The following SDK1 variants were observed in gnomAD, a reference collection of about 807,000 sequenced individuals.
SDK1 encodes sidekick cell adhesion molecule 1, also known as protein sidekick-1.
A neutral mutation model predicts 245.5 loss-of-function variants in SDK1; 157 were observed. The observed-to-expected ratio is 0.64, with a 90% CI of 0.56 to 0.73. The LOEUF (loss-of-function observed/expected upper bound fraction) is 0.73, where lower values mean the gene tolerates loss of function less well. Among genes scored for constraint, SDK1 ranks in the 30% least tolerant of loss-of-function variants. SDK1 has a pLI of 0.00. For missense variants in SDK1, 3,583 were observed against 3,002.3 expected (o/e 1.19, Z -4.52); for synonymous variants, 1,647 against 1,278.5 (o/e 1.29, Z -6.15).
intron 44 of SDK1, among the ~76,000 whole-genome samples, chr7:4,256,345 T>C (rs1032465248): frequency 5.3e-5 from 8 of 152,240 alleles, no homozygotes; most frequent in African/African-American, 1.9e-4. Context: ...TCATGGCTAG[T>C]AACTCTGATA....
chr7:4,151,094 A>C (rs1193854554), intron 30 of SDK1, among the ~76,000 whole-genome samples: 1 of 152,174 alleles, frequency 6.6e-6, no homozygotes, highest in Non-Finnish European at 1.5e-5. Context: ...CACCCCACAC[A>C]GTGTCCCCAG....
At chr7:3,900,182 A>C (rs1162020929) in intron 5 of SDK1, among the ~76,000 whole-genome samples, 1 of 152,190 alleles carries the variant, frequency 6.6e-6, no homozygotes, top group Non-Finnish European at 1.5e-5. Context: ...TTTATATTTT[A>C]TTACATATTT....
At chr7:3,311,963 G>T (rs1779560865) in intron 1 of SDK1, among the ~76,000 whole-genome samples, 1 of 152,184 alleles carries the variant, frequency 6.6e-6, no homozygotes, top group Non-Finnish European at 1.5e-5. Context: ...GGTCTGCATA[G>T]ACTTGGAAGG....
chr7:4,229,240 C>G lies in SDK1; in HGVS notation c.5828-4015C>G, dbSNP rs181767458. ...TACCAGCTGCCAAATTTTTTTCTTA[C>G]CCACTCGTGATCGTGGTGTAAATAT... On this transcript the variant is annotated intron_variant, in intron 40 of 44. Transcript: ENST00000404826. Among the ~76,000 whole-genome samples the G allele has an allele frequency of 1.2e-3, 185 of 152,208 alleles. 1 individual carries two copies. The highest frequency in any genetic ancestry group is 4.2e-3 in the African/African-American group (173 of 41,528).
chr7:4,247,682 G>C (rs1325362740), intron 44 of SDK1, among the ~76,000 whole-genome samples: 1 of 152,204 alleles, frequency 6.6e-6, no homozygotes, highest in Non-Finnish European at 1.5e-5. Flanking sequence ...CCTGTGTGCT[G>C]AGCGCTCGCT....
intron 17 of SDK1, among the ~76,000 whole-genome samples, chr7:4,042,260 C>G (rs537474093): frequency 7.3e-6 from 1 of 136,234 alleles, no homozygotes; most frequent in Admixed American, 6.9e-5. Context: ...CCATCCACTC[C>G]CAGAAATCCT....
chr7:4,051,782 G>A lies in SDK1; in HGVS notation c.2863G>A (p.Gly955Arg). 1.2e-6 allele frequency: 2 copies of A among 1,613,796 alleles called. No individual in the cohort carries two copies. Among genetic ancestry groups the A allele is most frequent in the Non-Finnish European group, 1.7e-6 (2 of 1,179,864 alleles). ...TTCCGTTCTGTGCTTCACCACCCCT[G>A]GGGACGGGCCTCCCAGCACACCTCA... ...FTSVLCFTTP[G>R]DGPPSTPQLV... The change falls in exon 19 of 45, where the codon GGG becomes AGG. Residue 955 changes from glycine to arginine, a missense_variant. Coordinates refer to ENST00000404826, the MANE Select transcript of SDK1 (RefSeq NM_152744.4).
chr7:3,997,368 C>T lies in SDK1; in HGVS notation c.2131+10046C>T, dbSNP rs191406371. Among the ~76,000 whole-genome samples, 156 of 152,296 alleles carry T rather than the reference C, an allele frequency of 1.0e-3. 1 individual carries two copies. Among genetic ancestry groups the T allele is most frequent in the African/African-American group, 3.5e-3 (145 of 41,558 alleles). ...CTCTGTAGGCAAGTCGTCCCATCGT[C>T]TCTGCAGCTCTCAGCAGAGAGGAGG... On this transcript the variant is annotated intron_variant, in intron 14 of 44. Transcript: ENST00000404826.
In SDK1 at chr7:4,114,145, C is replaced by A. The variant is rs765423627; in HGVS notation, c.3694C>A (p.Arg1232=). ...SSAVAQVVSD[R]LEREFTIEEL... ...AGCAGTGGCCCAAGTCGTCAGTGAC[C>A]GGCTGGAGAGAGAATTCACCATCGA... The change falls in exon 25 of 45, where the codon CGG becomes AGG. Residue 1232 remains arginine (R), a synonymous_variant. Transcript: ENST00000404826. 1.8e-5 allele frequency: 29 copies of A among 1,614,078 alleles called. No homozygotes were observed. In the East Asian group the frequency reaches 6.5e-4, roughly 36 times the overall value.
intron 2 of SDK1, among the ~76,000 whole-genome samples, chr7:3,622,202 G>T (rs1781963694): frequency 6.6e-6 from 1 of 152,150 alleles, no homozygotes; most frequent in South Asian, 2.1e-4. Context: ...TGTAGGCCCG[G>T]CGCAGTGGCT....
At chr7:3,389,506 T>C (rs926463277) in intron 1 of SDK1, among the ~76,000 whole-genome samples, 6 of 152,184 alleles carry the variant, frequency 3.9e-5, no homozygotes, top group South Asian at 2.1e-4. Flanking sequence ...GTCATTCCTT[T>C]AGACTCATAT....
chr7:3,584,639 G>C (rs1200958772), intron 1 of SDK1, among the ~76,000 whole-genome samples: 1 of 152,146 alleles, frequency 6.6e-6, no homozygotes, highest in Non-Finnish European at 1.5e-5. Flanking sequence ...TTCCAGAGAA[G>C]TCGCACGTGC....
intron 1 of SDK1, among the ~76,000 whole-genome samples, chr7:3,386,238 G>A (rs555545200): frequency 1.7e-4 from 26 of 152,254 alleles, no homozygotes; most frequent in African/African-American, 4.6e-4. Flanking sequence ...ATACAAAGAT[G>A]TGCAAGATTT....
intron 1 of SDK1, among the ~76,000 whole-genome samples, chr7:3,346,023 A>G (rs181194791): frequency 1.3e-5 from 2 of 152,304 alleles, no homozygotes; most frequent in East Asian, 3.9e-4. Flanking sequence ...TGTTTCTGGC[A>G]CTTGTACTCC....
chr7:3,962,538 A>T, intron 8 of SDK1, 119 bp from the exon 9 acceptor site: 1 of 896,096 alleles, frequency 1.1e-6, no homozygotes, highest in Non-Finnish European at 1.7e-6. Context: ...GGTTGAAAGC[A>T]CGAATACACA....
chr7:3,639,150 A>C, intron 3 of SDK1, 40 bp downstream of exon 3: 1 of 1,173,846 alleles, frequency 8.5e-7, no homozygotes, highest in East Asian at 2.5e-5. Context: ...GTTAAAGAAC[A>C]AAGTGTCGCT....
chr7:3,808,475 A>G (rs537691377), intron 4 of SDK1, among the ~76,000 whole-genome samples: 2 of 152,204 alleles, frequency 1.3e-5, no homozygotes, highest in East Asian at 3.9e-4. Flanking sequence ...GCTTACTGGC[A>G]ACTTCTGAAT....
At chr7:4,086,548 G>A (rs78531538) in intron 22 of SDK1, among the ~76,000 whole-genome samples, 1,706 of 152,212 alleles carry the variant, frequency 0.011, 24 homozygotes, top group African/African-American at 0.028. Context: ...ACGGTCTGTG[G>A]CTCGGGATCC....
In SDK1 at chr7:3,974,397, C is replaced by T. The variant is rs1202843150; in HGVS notation, c.1846C>T (p.Leu616=). 1 of 1,613,938 alleles carries T rather than the reference C, an allele frequency of 6.2e-7. No individual in the cohort carries two copies. The highest frequency in any genetic ancestry group is 1.7e-5 in the Admixed American group (1 of 60,012). The change falls in exon 13 of 45, where the codon CTG becomes TTG. Residue 616 remains leucine, a synonymous_variant. Transcript: ENST00000404826. Reference sequence around the variant, plus strand: ...CGTTTGGAAGAAGGACAACGTGGCCCTGACTCCATCGAGCACGTCTAGGAT... The same window carrying T: ...CGTTTGGAAGAAGGACAACGTGGCCTTGACTCCATCGAGCACGTCTAGGAT... The part of the protein sequence containing the change: ...RYVWKKDNVA[L]TPSSTSRIVV...
Sources: allele counts gnomAD v4.1 joint callset (sites outside exome capture counted in the v4.1 genomes callset), GRCh38; gene constraint gnomAD v4.1.1; transcripts MANE v1.5; gene names NCBI Gene and HGNC (gene_info 2026-07-23, HGNC 2026-07-21).